Variants in ZMIZ1 observed in about 807,000 individuals in gnomAD.
ZMIZ1 encodes the protein zinc finger MIZ domain-containing protein 1.
ZMIZ1 carries 17 observed loss-of-function variants against 113.9 expected under a neutral mutation model. That is an observed-to-expected ratio of 0.15 (90% CI 0.10 to 0.22). The LOEUF (loss-of-function observed/expected upper bound fraction) is 0.22, where lower values mean the gene tolerates loss of function less well. ZMIZ1 is among the 10% of genes least tolerant of loss of function. The pLI is 1.00. For missense variants in ZMIZ1, 1,059 were observed against 1,477.8 expected, an observed-to-expected ratio of 0.72 and a Z score of 4.65; for synonymous variants, 607 against 603.1, an observed-to-expected ratio of 1.01 and a Z score of -0.09.
chr10:79,258,039 G>A (rs10824733), intron 7 of ZMIZ1, among the ~76,000 whole-genome samples: 3,225 of 152,264 alleles, frequency 0.021, 129 homozygotes, highest in East Asian at 0.17. Flanking sequence ...AGAGCCCAGC[G>A]TGGGAGCCAG....
At chr10:79,121,962 T>TA (rs1272284040) in intron 2 of ZMIZ1, among the ~76,000 whole-genome samples, 1 of 152,156 alleles carries the variant, frequency 6.6e-6, no homozygotes, top group Non-Finnish European at 1.5e-5. Flanking sequence ...GCCAGCTAAA[T>TA]AATTTAGCTG....
chr10:79,305,442 G>T, intron 20 of ZMIZ1, 91 bp from the exon 21 acceptor site: 1 of 1,438,562 alleles, frequency 7.0e-7, no homozygotes, highest in Non-Finnish European at 9.8e-7. Flanking sequence ...AGCAGCAGGG[G>T]TGGGACCCCA....
chr10:79,151,201 C>A (rs1456970009), intron 3 of ZMIZ1, among the ~76,000 whole-genome samples: 2 of 152,160 alleles, frequency 1.3e-5, no homozygotes, highest in South Asian at 4.1e-4. Flanking sequence ...GGCCACAGCT[C>A]AGACTCTGGT....
intron 7 of ZMIZ1, among the ~76,000 whole-genome samples, chr10:79,269,456 AACACAC>A (rs55634343): frequency 0.044 from 6,060 of 138,530 alleles, 408 homozygotes; most frequent in African/African-American, 0.14. Flanking sequence ...ACCTCCCCCC[AACACAC>A]ACACACACAC....
intron 4 of ZMIZ1, among the ~76,000 whole-genome samples, chr10:79,178,303 T>C (rs1162827443): frequency 1.3e-5 from 2 of 152,252 alleles, no homozygotes; most frequent in Non-Finnish European, 2.9e-5. Flanking sequence ...CACTGCTTAC[T>C]GACAACCTGC....
chr10:79,165,889 G>A (rs7916574), intron 4 of ZMIZ1, among the ~76,000 whole-genome samples: 119,545 of 149,822 alleles, frequency 0.8, 48,163 homozygotes, highest in African/African-American at 0.87. Context: ...AGCCAAGCCT[G>A]ACTTGGCACT....
intron 18 of ZMIZ1, among the ~76,000 whole-genome samples, chr10:79,303,396 A>C (rs1239008407): frequency 6.8e-6 from 1 of 146,830 alleles, no homozygotes; most frequent in Non-Finnish European, 1.5e-5. Context: ...TCGAGGCTGC[A>C]GTGAGCCATG....
intron 7 of ZMIZ1, among the ~76,000 whole-genome samples, chr10:79,231,735 C>T (rs572182174): frequency 3.1e-4 from 47 of 152,276 alleles, no homozygotes; most frequent in Middle Eastern, 3.4e-3. Context: ...CACGCCACCA[C>T]GCCTGGCTAA....
chr10:79,227,175 G>C (rs1470272090), intron 7 of ZMIZ1, among the ~76,000 whole-genome samples: 1 of 152,184 alleles, frequency 6.6e-6, no homozygotes, highest in Admixed American at 6.5e-5. Context: ...ATGAAGTCTT[G>C]GGAAAGACAC....
At chr10:79,099,168 C>T (rs1334771639) in intron 1 of ZMIZ1, among the ~76,000 whole-genome samples, 1 of 152,180 alleles carries the variant, frequency 6.6e-6, no homozygotes, top group African/African-American at 2.4e-5. Flanking sequence ...GGTCCCTAGG[C>T]TGTGGGGGTG....
intron 4 of ZMIZ1, among the ~76,000 whole-genome samples, chr10:79,171,693 G>A (rs537846373): frequency 1.2e-3 from 176 of 152,328 alleles, no homozygotes; most frequent in Admixed American, 3.7e-3. Flanking sequence ...CAAAAGAGGA[G>A]GAGTCCTTGG....
intron 7 of ZMIZ1, among the ~76,000 whole-genome samples, chr10:79,233,664 T>A (rs1379829948): frequency 6.6e-6 from 1 of 152,142 alleles, no homozygotes; most frequent in Non-Finnish European, 1.5e-5. Flanking sequence ...CCTGATTTTT[T>A]TCCCCTCCTG....
At position 79,069,889 on chromosome 10, in the gene ZMIZ1, C is replaced by CG. The variant is rs1842195764; in HGVS notation, c.-337+620dup. On this transcript the variant is annotated intron_variant, in intron 1 of 24. Transcript: ENST00000334512. This position sits in a 1 kb window ranked among gnomAD's most constrained non-coding sequence, Gnocchi z 4.6. ...GCTGGCGCGCGGTACAAACGAGAAA[C>CG]GCGGAGGTGTGTGTGCAGGGTTTTC... Among the ~76,000 whole-genome samples the CG allele has an allele frequency of 6.6e-6, 1 of 151,630 alleles. No individual in the cohort carries two copies. The highest frequency in any genetic ancestry group is 2.1e-4 in the South Asian group (1 of 4,792).
rs569289957 is a variant in ZMIZ1 at position 79,215,031 on chromosome 10, C to T, written c.175-1138C>T. Reference sequence around the variant, plus strand: ...TCTGCCGCCTCTCACCCTGCCAGTCCCTACTTCTGAGATTTTAAGGAGATG... The same window carrying T: ...TCTGCCGCCTCTCACCCTGCCAGTCTCTACTTCTGAGATTTTAAGGAGATG... On this transcript the variant is annotated intron_variant, in intron 6 of 24. Transcript: ENST00000334512. Among the ~76,000 whole-genome samples, 4 of 145,564 alleles carry T rather than the reference C, an allele frequency of 2.7e-5. No homozygotes were observed. The East Asian group carries it at 7.9e-4, about 29-fold the overall frequency.
rs1038907182 is a variant in ZMIZ1, at chr10:79,293,454, G to T, written c.1031G>T (p.Gly344Val). Residue 344 changes from glycine (G) to valine (V), a missense_variant, in exon 12 of 25, where the codon GGC (glycine) becomes GTC (valine). Coordinates refer to ENST00000334512, the MANE Select transcript of ZMIZ1 (RefSeq NM_020338.4). ...PGPRGPASMG[G>V]SMNPASMAAG... is the part of the protein sequence containing the mutation. ...CCGCGGGGGCCTGCCTCCATGGGGGGCAGCATGAACCCCGCGAGCATGGCG... is the reference window on the plus strand; with the variant it reads ...CCGCGGGGGCCTGCCTCCATGGGGGTCAGCATGAACCCCGCGAGCATGGCG... 6.5e-7 allele frequency: 1 copy of T among 1,549,904 alleles called. No individual in the cohort carries two copies. The highest frequency in any genetic ancestry group is 8.7e-7 in the Non-Finnish European group (1 of 1,147,162).
intron 1 of ZMIZ1, among the ~76,000 whole-genome samples, chr10:79,111,535 G>A (rs893819695): frequency 6.6e-6 from 1 of 152,238 alleles, no homozygotes; most frequent in Non-Finnish European, 1.5e-5. Context: ...GCCAGGGGGT[G>A]TGGGTGACGG....
intron 8 of ZMIZ1, among the ~76,000 whole-genome samples, chr10:79,278,946 G>A (rs1391058703): frequency 6.6e-6 from 1 of 152,252 alleles, no homozygotes; most frequent in African/African-American, 2.4e-5. Flanking sequence ...TCAATGAGCT[G>A]TTGGGTACAC....
intron 2 of ZMIZ1, among the ~76,000 whole-genome samples, chr10:79,123,757 C>T (rs1389090087): frequency 1.3e-5 from 2 of 152,246 alleles, no homozygotes; most frequent in Admixed American, 1.3e-4. Context: ...CCGGCATGCA[C>T]ACCCTAAGTT....
chr10:79,215,911 G>T (rs917758318), intron 6 of ZMIZ1, among the ~76,000 whole-genome samples: 8 of 152,134 alleles, frequency 5.3e-5, no homozygotes, highest in Non-Finnish European at 1.0e-4. Context: ...AAGCGGCGGG[G>T]CCTATGGCTT....
Sources: gnomAD v4.1 joint callset for allele counts (sites outside exome capture counted in the v4.1 genomes callset) on GRCh38, gnomAD v4.1.1 for gene constraint, Gnocchi (gnomAD v3.1) non-coding constraint, MANE v1.5 for transcripts, NCBI Gene and HGNC (gene_info 2026-07-23, HGNC 2026-07-21) for gene names.